APBA3: variants seen among roughly 807,000 people sequenced by gnomAD.
The protein encoded by APBA3 is amyloid beta precursor protein binding family A member 3.
In APBA3, 45 loss-of-function variants were observed where a neutral mutation model predicts 55.9. The ratio of observed to expected loss-of-function variants is 0.80; its 90% CI spans 0.63 to 1.03. The LOEUF (loss-of-function observed/expected upper bound fraction) is 1.03, where lower values mean the gene tolerates loss of function less well. Ranked by LOEUF, APBA3 falls within the 50% of genes least tolerant of loss-of-function variation. The pLI, the probability that APBA3 is intolerant of heterozygous loss-of-function variation, is 0.00. For synonymous variants in APBA3, 370 were observed against 353.3 expected, an observed-to-expected ratio of 1.05 and a Z score of -0.53; for missense variants, 865 against 820.3, an observed-to-expected ratio of 1.05 and a Z score of -0.67.
chr19:3,760,397 A>G, intron 1 of APBA3, 96 bp from the exon 2 acceptor site: 1 of 750,408 alleles, frequency 1.3e-6, no homozygotes, highest in Admixed American at 3.1e-5. Flanking sequence ...GGCTGACTGA[A>G]CCCAGGAGTT....
intron 3 of APBA3, 22 bp downstream of exon 3, chr19:3,759,539 C>A: frequency 1.9e-6 from 3 of 1,586,502 alleles, no homozygotes; most frequent in Non-Finnish European, 2.6e-6. Flanking sequence ...GTGCCTGAGG[C>A]TAGGGTGGGC....
chr19:3,755,972 A>G (rs980681106), intron 3 of APBA3: 9 of 152,118 alleles, frequency 5.9e-5, no homozygotes, highest in Non-Finnish European at 1.3e-4. Flanking sequence ...CCACTAAGTG[A>G]AATTCACCCT....
intron 3 of APBA3, chr19:3,755,559 CG>C (rs71339065): frequency 0.029 from 1,507 of 51,126 alleles, 86 homozygotes; most frequent in African/African-American, 0.058. Context: ...TTTAGGAGGC[CG>C]GGGGGGGGGG....
intron 3 of APBA3, 96 bp downstream of exon 3, chr19:3,759,465 T>C: frequency 1.6e-6 from 2 of 1,277,614 alleles, no homozygotes; most frequent in Non-Finnish European, 2.2e-6. Context: ...CCCGAGAACC[T>C]CGTCCTTACT....
chr19:3,752,736 G>A lies in APBA3; in HGVS notation c.1183-16C>T, dbSNP rs2037024751. On this transcript the variant is annotated splice_polypyrimidine_tract_variant and intron_variant, in intron 7 of 10. Coordinates refer to ENST00000316757, the MANE Select transcript of APBA3 (RefSeq NM_004886.4). ...CGAGGTGCACCTGGGACACACAGGG[G>A]GCGCGGAGGCTGCTCAGCAGGGCCC... 1 of 1,604,832 alleles carries A rather than the reference G, an allele frequency of 6.2e-7. No individual in the cohort carries two copies. Among genetic ancestry groups the A allele is most frequent in the Non-Finnish European group, 8.5e-7 (1 of 1,177,566 alleles).
chr19:3,751,741 G>T, intron 8 of APBA3, 188 bp from the exon 9 acceptor site: 1 of 669,396 alleles, frequency 1.5e-6, no homozygotes, highest in Non-Finnish European at 2.4e-6. Context: ...GAAGCTGTCT[G>T]ACCCGAGCCA....
At chr19:3,755,906 C>T (rs1371532482) in intron 3 of APBA3, 1 of 151,896 alleles carries the variant, frequency 6.6e-6, no homozygotes, top group Non-Finnish European at 1.5e-5. Context: ...AACATTCTAA[C>T]CAGTAACTAC....
intron 3 of APBA3, among the ~76,000 whole-genome samples, chr19:3,757,947 T>A (rs1284201830): frequency 3.3e-5 from 5 of 152,226 alleles, no homozygotes; most frequent in Non-Finnish European, 5.9e-5. Flanking sequence ...TGTTTTTCTT[T>A]TTTTAGAGAC....
At chr19:3,755,296 T>G (rs2145721202) in intron 3 of APBA3, 1 of 152,316 alleles carries the variant, frequency 6.6e-6, no homozygotes, top group Non-Finnish European at 1.5e-5. Context: ...ATCAGACTTC[T>G]CTGCTCCGTG....
chr19:3,753,753 C>T lies in APBA3; in HGVS notation c.1011+12G>A. Reference sequence around the variant, plus strand: ...GGCCTCAGGAGGGTGGCCCCGCGCCCTGGCTGCTCACGTCCTCCGCGTAGA... The same window carrying T: ...GGCCTCAGGAGGGTGGCCCCGCGCCTTGGCTGCTCACGTCCTCCGCGTAGA... On this transcript the variant is annotated intron_variant, in intron 6 of 10. Coordinates refer to ENST00000316757, the MANE Select transcript of APBA3 (RefSeq NM_004886.4). 1 of 1,501,414 alleles carries T rather than the reference C, an allele frequency of 6.7e-7. No homozygotes were observed. Among genetic ancestry groups the T allele is most frequent in the Non-Finnish European group, 8.9e-7 (1 of 1,122,912 alleles). The allele number at this position is 1,501,414 out of a possible 1,614,324, so 93.0% of individuals were successfully genotyped here. A position where few individuals can be genotyped will look rare whatever the true frequency, so the allele number is the denominator to read the frequency against.
In APBA3 at chr19:3,754,100, G is replaced by A. The variant is rs768144635; in HGVS notation, c.768C>T (p.Pro256=). Residue 256 remains proline, a synonymous_variant, in exon 5 of 11, where the codon CCC becomes CCT. Coordinates refer to ENST00000316757, the MANE Select transcript of APBA3 (RefSeq NM_004886.4). ...CCGTCATGGGCTGGGTCTCCCCATC[G>A]GGGGCCTGTGGGTGGCGGCGTGGGA... The part of the protein sequence containing the change: ...AREAMDRVKA[P]DGETQPMTEV... 1.3e-5 allele frequency: 21 copies of A among 1,602,014 alleles called. No homozygotes were observed. The highest frequency in any genetic ancestry group is 1.7e-5 in the Non-Finnish European group (20 of 1,174,736).
At chr19:3,755,569 G>GT (rs1459783596) in intron 3 of APBA3, 2 of 139,812 alleles carry the variant, frequency 1.4e-5, no homozygotes, top group Non-Finnish European at 3.2e-5. Context: ...CGGGGGGGGG[G>GT]GGTGGATCAC....
At chr19:3,758,738 C>A (rs1241172469) in intron 3 of APBA3, among the ~76,000 whole-genome samples, 1 of 151,724 alleles carries the variant, frequency 6.6e-6, no homozygotes, top group Non-Finnish European at 1.5e-5. Flanking sequence ...ATTAGCTGGG[C>A]GTGGTGGCGA....
intron 6 of APBA3, 66 bp from the exon 7 acceptor site, chr19:3,753,056 AG>A: frequency 6.4e-7 from 1 of 1,571,120 alleles, no homozygotes. Context: ...CAAAGTCCCC[AG>A]GGTCCTCAGA....
intron 6 of APBA3, chr19:3,753,310 G>T (rs2037033272): frequency 2.2e-6 from 1 of 465,036 alleles, no homozygotes; most frequent in African/African-American, 2.0e-5. Context: ...GACAGCCCAG[G>T]AGCGGGCAAG....
Position 3,754,188 on chromosome 19 carries a change from C to T in APBA3, c.762+7G>A, listed in dbSNP as rs767841379. On this transcript the variant is annotated splice_region_variant and intron_variant, in intron 4 of 10. Coordinates refer to ENST00000316757, the MANE Select transcript of APBA3 (RefSeq NM_004886.4). ...GCCTGCCCGCCCGGCCCCGGCCGCCCCCTCACCTTGACGCGGTCCATGGCC... is the reference window on the plus strand; with the variant it reads ...GCCTGCCCGCCCGGCCCCGGCCGCCTCCTCACCTTGACGCGGTCCATGGCC... The T allele has an allele frequency of 7.1e-6, 11 of 1,541,946 alleles. No homozygotes were observed. Among genetic ancestry groups the T allele is most frequent in the Non-Finnish European group, 9.6e-6 (11 of 1,142,562 alleles).
chr19:3,752,723 G>C lies in APBA3; in HGVS notation c.1183-3C>G. The C allele has an allele frequency of 6.2e-7, 1 of 1,602,868 alleles. No individual in the cohort carries two copies. Among genetic ancestry groups the C allele is most frequent in the Non-Finnish European group, 8.5e-7 (1 of 1,177,440 alleles). ...CCTCGCCGCTTCTCGAGGTGCACCT[G>C]GGACACACAGGGGGCGCGGAGGCTG... is the stretch of plus-strand genomic sequence containing the variant. On this transcript the variant is annotated splice_polypyrimidine_tract_variant and splice_region_variant and intron_variant, in intron 7 of 10. Coordinates refer to ENST00000316757, the MANE Select transcript of APBA3 (RefSeq NM_004886.4).
chr19:3,752,226 C>A (rs756718774), intron 8 of APBA3, among the ~76,000 whole-genome samples: 1 of 152,044 alleles, frequency 6.6e-6, no homozygotes, highest in South Asian at 2.1e-4. Context: ...ACAAACCCCC[C>A]CAGAAATTAG....
At chr19:3,757,796 A>G (rs1423227296) in intron 3 of APBA3, among the ~76,000 whole-genome samples, 1 of 152,174 alleles carries the variant, frequency 6.6e-6, no homozygotes, top group African/African-American at 2.4e-5. Flanking sequence ...CAAAGAGTAA[A>G]TATTTTCAGC....
Sources: allele counts gnomAD v4.1 joint callset (sites outside exome capture counted in the v4.1 genomes callset), GRCh38; gene constraint gnomAD v4.1.1; transcripts MANE v1.5; gene names NCBI Gene and HGNC (gene_info 2026-07-23, HGNC 2026-07-21).